Variants in APBA2 observed in about 807,000 individuals in gnomAD.
APBA2 encodes the protein amyloid-beta A4 precursor protein-binding family A member 2.
A neutral mutation model predicts 75.0 loss-of-function variants in APBA2; 30 were observed. The ratio of observed to expected loss-of-function variants is 0.40; its 90% CI spans 0.30 to 0.54. APBA2 has a LOEUF of 0.54. Ranked by LOEUF, APBA2 falls within the 20% of genes least tolerant of loss-of-function variation. APBA2 has a pLI of 0.49. For missense variants in APBA2, 801 were observed against 1,016.1 expected (o/e 0.79, Z 2.88); for synonymous variants, 444 against 409.6 (o/e 1.08, Z -1.01).
chr15:29,105,592 A>G (rs185279081), intron 11 of APBA2, 34 bp downstream of exon 11: 2 of 1,610,228 alleles, frequency 1.2e-6, no homozygotes, highest in African/African-American at 1.3e-5. Context: ...GGGAGGCCAC[A>G]TTTGCCAGCT....
At position 29,104,720 on chromosome 15, in the gene APBA2, A is replaced by T. The variant is rs188671013; in HGVS notation, c.1525-659A>T. ...CTACCGATAAATACATGCGGGGTAG[A>T]CAACTAGCAGCACGATGCTCCCGGA... On this transcript the variant is annotated intron_variant, in intron 10 of 14. Transcript: ENST00000683413. Among the ~76,000 whole-genome samples the T allele has an allele frequency of 1.7e-4, 26 of 152,330 alleles. No homozygotes were observed. The East Asian group carries it at 5.0e-3, about 29-fold the overall frequency.
intron 3 of APBA2, among the ~76,000 whole-genome samples, chr15:29,053,504 ATCT>A (rs1227336988): frequency 6.6e-6 from 1 of 152,004 alleles, no homozygotes; most frequent in African/African-American, 2.4e-5. Context: ...AAACAACCTG[ATCT>A]TCTGACCATT....
chr15:28,990,816 G>A (rs1331524576), intron 2 of APBA2: 1 of 152,198 alleles, frequency 6.6e-6, no homozygotes, highest in African/African-American at 2.4e-5. Context: ...CAAGAACAGA[G>A]CTCTGTGACC....
At chr15:28,916,802 T>A (rs2033708852) in intron 1 of APBA2, among the ~76,000 whole-genome samples, 1 of 152,258 alleles carries the variant, frequency 6.6e-6, no homozygotes, top group South Asian at 2.1e-4. Flanking sequence ...TCGTCATTTA[T>A]TTAACCATTC....
intron 13 of APBA2, among the ~76,000 whole-genome samples, chr15:29,109,092 C>T (rs770304576): frequency 1.3e-5 from 2 of 152,194 alleles, no homozygotes; most frequent in Non-Finnish European, 2.9e-5. Flanking sequence ...TGGCAATACC[C>T]AAATTGTTTA....
At chr15:29,112,846 A>C (rs866921423) in intron 13 of APBA2, among the ~76,000 whole-genome samples, 1 of 151,978 alleles carries the variant, frequency 6.6e-6, no homozygotes, top group Admixed American at 6.6e-5. Flanking sequence ...GTCCCCACTA[A>C]GCACCACCGC....
intron 1 of APBA2, among the ~76,000 whole-genome samples, chr15:28,898,877 A>G (rs893764438): frequency 1.3e-5 from 2 of 152,214 alleles, no homozygotes; most frequent in East Asian, 3.8e-4. Flanking sequence ...GATGCACACT[A>G]TATTTTCTAA....
intron 3 of APBA2, among the ~76,000 whole-genome samples, chr15:29,016,518 A>T (rs1410165999): frequency 2.6e-5 from 4 of 152,126 alleles, no homozygotes; most frequent in African/African-American, 9.7e-5. Context: ...GACTTGCAGG[A>T]GTGTGGGGAC....
At chr15:28,983,350 T>G (rs2037722792) in intron 2 of APBA2, among the ~76,000 whole-genome samples, 1 of 152,170 alleles carries the variant, frequency 6.6e-6, no homozygotes, top group Admixed American at 6.5e-5. Context: ...TATGTATTTG[T>G]GGTGTGTGTG....
chr15:29,106,478 G>A (rs1567020918), intron 11 of APBA2, 129 bp from the exon 12 acceptor site: 4 of 1,070,716 alleles, frequency 3.7e-6, no homozygotes, highest in East Asian at 2.6e-5. Flanking sequence ...TGGCTGAGAT[G>A]AGCCAGCCTT....
rs146942672 is a variant in APBA2, at chr15:29,056,558, T to C, written c.951+1723T>C. Among the ~76,000 whole-genome samples, 539 of 111,562 alleles carry C rather than the reference T, an allele frequency of 4.8e-3. 4 individuals carry two copies. Among genetic ancestry groups the C allele is most frequent in the African/African-American group, 0.018 (502 of 27,342 alleles). The allele number at this position is 111,562 out of a possible 152,430, so 73.2% of individuals were successfully genotyped here. A position where few individuals can be genotyped will look rare whatever the true frequency, so the allele number is the denominator to read the frequency against. ...CTCCCTCCTTTCTGTCCTTTCCTCC[T>C]TTCCTCCCTTCCTCCCTTCCTCCCT... is the stretch of plus-strand genomic sequence containing the variant. On this transcript the variant is annotated intron_variant, in intron 4 of 14. Coordinates refer to ENST00000683413, the MANE Select transcript of APBA2 (RefSeq NM_001353788.2).
intron 2 of APBA2, among the ~76,000 whole-genome samples, chr15:28,950,019 G>A (rs1045240603): frequency 1.3e-5 from 2 of 152,130 alleles, no homozygotes; most frequent in African/African-American, 4.8e-5. Context: ...GCCTGTCCAG[G>A]CCACTACGTT....
intron 2 of APBA2, among the ~76,000 whole-genome samples, chr15:28,933,132 C>A (rs2034650941): frequency 6.6e-6 from 1 of 152,172 alleles, no homozygotes; most frequent in Admixed American, 6.5e-5. Flanking sequence ...TTAATACATT[C>A]ATGAGGGTAG....
At chr15:29,103,175 G>A (rs1038732) in intron 10 of APBA2, among the ~76,000 whole-genome samples, 123,163 of 152,150 alleles carry the variant, frequency 0.81, 54,914 homozygotes, top group Non-Finnish European at 0.98. Flanking sequence ...GTGGCGAAGG[G>A]TGGCAGTCAG....
At chr15:29,094,624 T>C (rs1315422457) in intron 8 of APBA2, among the ~76,000 whole-genome samples, 1 of 152,280 alleles carries the variant, frequency 6.6e-6, no homozygotes, top group Non-Finnish European at 1.5e-5. Flanking sequence ...TTAGTTGATA[T>C]GACAACGTGG....
intron 1 of APBA2, chr15:28,919,353 A>G (rs1486798855): frequency 6.6e-6 from 1 of 152,208 alleles, no homozygotes; most frequent in East Asian, 1.9e-4. Context: ...CGGTTGTTGA[A>G]CGGAGGGAGA....
At chr15:29,089,419 C>T (rs753415591) in intron 6 of APBA2, among the ~76,000 whole-genome samples, 4 of 152,172 alleles carry the variant, frequency 2.6e-5, no homozygotes, top group African/African-American at 2.4e-5. Context: ...CAGAGAGCAG[C>T]GGGCCTTGTG....
intron 2 of APBA2, among the ~76,000 whole-genome samples, chr15:28,972,561 G>A (rs1354602120): frequency 6.6e-6 from 1 of 152,238 alleles, no homozygotes; most frequent in Non-Finnish European, 1.5e-5. Flanking sequence ...AAGCAAGACA[G>A]CAATGCACAA....
At chr15:28,894,854 T>G (rs1595397278) in intron 1 of APBA2, among the ~76,000 whole-genome samples, 3 of 135,720 alleles carry the variant, frequency 2.2e-5, no homozygotes, top group African/African-American at 5.7e-5. Flanking sequence ...TGCGGGGAGG[T>G]GCTGGTGGAA....
Sources: allele counts gnomAD v4.1 joint callset (sites outside exome capture counted in the v4.1 genomes callset), GRCh38; gene constraint gnomAD v4.1.1; transcripts MANE v1.5; gene names NCBI Gene and HGNC (gene_info 2026-07-23, HGNC 2026-07-21).